The following POLE variants were observed in gnomAD, a reference collection of about 807,000 sequenced individuals.
POLE encodes the protein DNA polymerase epsilon, catalytic subunit, also known as DNA polymerase epsilon catalytic subunit A.
Under a neutral mutation model 279.2 loss-of-function variants are expected in POLE, and 188 were observed. The ratio of observed to expected loss-of-function variants is 0.67; its 90% CI spans 0.60 to 0.76. The LOEUF is 0.76. Among genes scored for constraint, POLE ranks in the 30% least tolerant of loss-of-function variants. POLE has a pLI of 0.00. For missense variants in POLE, 2,703 were observed against 3,016.7 expected, an observed-to-expected ratio of 0.90 and a Z score of 2.44; for synonymous variants, 1,214 against 1,172.5, an observed-to-expected ratio of 1.04 and a Z score of -0.72.
chr12:132,646,544 A>G (rs1285744422), intron 32 of POLE, among the ~76,000 whole-genome samples: 1 of 134,446 alleles, frequency 7.4e-6, no homozygotes, highest in African/African-American at 2.8e-5. Flanking sequence ...AAAAAAAAAA[A>G]TTCTGGGGCC....
In POLE at chr12:132,668,262, G is replaced by A; in HGVS notation, c.2173+94C>T. 6.9e-7 allele frequency: 1 copy of A among 1,440,314 alleles called. No individual in the cohort carries two copies. Among genetic ancestry groups the A allele is most frequent in the Non-Finnish European group, 9.2e-7 (1 of 1,087,428 alleles). 89.2% of individuals were successfully genotyped at this position (1,440,314 alleles called of 1,614,324 possible). Reference sequence around the variant, plus strand: ...GGTCTGCTGTGACAACACCTCTGGGGCCCCAGCTGGGATGGACCAACGCAG... The same window carrying A: ...GGTCTGCTGTGACAACACCTCTGGGACCCCAGCTGGGATGGACCAACGCAG... On this transcript the variant is annotated intron_variant, in intron 19 of 48. Transcript: ENST00000320574. The surrounding 1 kb of genome is among the most constrained non-coding windows in gnomAD (Gnocchi z 4.0).
At chr12:132,646,684 T>C (rs2042291223) in intron 32 of POLE, among the ~76,000 whole-genome samples, 1 of 151,540 alleles carries the variant, frequency 6.6e-6, no homozygotes, top group Non-Finnish European at 1.5e-5. Context: ...AATACAAAAT[T>C]AGCCGGGCGT....
At position 132,634,485 on chromosome 12, in the gene POLE, G is replaced by A; in HGVS notation, c.5812-107C>T. On this transcript the variant is annotated intron_variant, in intron 42 of 48. Coordinates refer to ENST00000320574, the MANE Select transcript of POLE (RefSeq NM_006231.4). The surrounding 1 kb of genome is among the most constrained non-coding windows in gnomAD (Gnocchi z 4.0). ...CAACCTGGGTCCATCTGCCCCGTTTGACCAGAGGCCTTCCTCGCAGTCAAG... is the reference window on the plus strand; with the variant it reads ...CAACCTGGGTCCATCTGCCCCGTTTAACCAGAGGCCTTCCTCGCAGTCAAG... The A allele has an allele frequency of 9.3e-7, 1 of 1,080,572 alleles. No homozygotes were observed. Among genetic ancestry groups the A allele is most frequent in the African/African-American group, 1.6e-5 (1 of 63,074 alleles). The allele number at this position is 1,080,572 out of a possible 1,614,324, so 66.9% of individuals were successfully genotyped here.
At chr12:132,677,046 C>A (rs145170647) in intron 8 of POLE, among the ~76,000 whole-genome samples, 2 of 152,158 alleles carry the variant, frequency 1.3e-5, no homozygotes, top group African/African-American at 4.8e-5. Flanking sequence ...ATGTTTGAAC[C>A]AAGGCCTTCT....
chr12:132,683,333 G>C (rs1479288574), intron 1 of POLE, among the ~76,000 whole-genome samples: 9 of 152,122 alleles, frequency 5.9e-5, no homozygotes, highest in Non-Finnish European at 1.3e-4. Flanking sequence ...AGAGAGGGTA[G>C]GGGGGAGAGG....
rs61751358 is a variant in POLE, at chr12:132,680,646, C to T, written c.246G>A (p.Val82=). 2 of 1,614,076 alleles carry T rather than the reference C, an allele frequency of 1.2e-6. No homozygotes were observed. The highest frequency in any genetic ancestry group is 2.2e-5 in the South Asian group (2 of 91,078). The change falls in exon 3 of 49, where the codon GTG becomes GTA. Residue 82 remains valine, a synonymous_variant. Transcript: ENST00000320574. ...CGTCATCTTGAATAAAGTAGTAATCCACTGCACTGCCTAAGCGCTTATCTT... is the reference window on the plus strand; with the variant it reads ...CGTCATCTTGAATAAAGTAGTAATCTACTGCACTGCCTAAGCGCTTATCTT... ...LDEDKRLGSA[V]DYYFIQDDGS...
Position 132,668,317 on chromosome 12 carries a change from G to A in POLE, c.2173+39C>T, listed in dbSNP as rs758642633. The A allele has an allele frequency of 6.6e-7, 1 of 1,515,950 alleles. No homozygotes were observed. The highest frequency in any genetic ancestry group is 1.3e-5 in the South Asian group (1 of 75,608). The allele number at this position is 1,515,950 out of a possible 1,614,324, so 93.9% of individuals were successfully genotyped here. A position where few individuals can be genotyped will look rare whatever the true frequency, so the allele number is the denominator to read the frequency against. The stretch of plus-strand genomic sequence containing the variant: ...GTAAGAACAGAAAGTGGGAGCAGGA[G>A]CCACATCTTTACAGCCGTGACCATG... On this transcript the variant is annotated intron_variant, in intron 19 of 48. Coordinates refer to ENST00000320574, the MANE Select transcript of POLE (RefSeq NM_006231.4). This position sits in a 1 kb window ranked among gnomAD's most constrained non-coding sequence, Gnocchi z 4.0.
In POLE at chr12:132,639,356, C is replaced by T. The variant is rs762327384; in HGVS notation, c.5379-58G>A. The T allele has an allele frequency of 2.1e-3, 3,270 of 1,524,752 alleles. 7 individuals are homozygous for T. The highest frequency in any genetic ancestry group is 2.7e-3 in the Non-Finnish European group (2,993 of 1,109,742). The allele number at this position is 1,524,752 out of a possible 1,614,324, so 94.5% of individuals were successfully genotyped here. A position where few individuals can be genotyped will look rare whatever the true frequency, so the allele number is the denominator to read the frequency against. Reference sequence around the variant, plus strand: ...CTCAGCCTCCCACGCTGCTGCCACGCGGGACGCTCCAACTGAAATGGGCAC... The same window carrying T: ...CTCAGCCTCCCACGCTGCTGCCACGTGGGACGCTCCAACTGAAATGGGCAC... On this transcript the variant is annotated intron_variant, in intron 39 of 48. Coordinates refer to ENST00000320574, the MANE Select transcript of POLE (RefSeq NM_006231.4). The surrounding 1 kb of genome is among the most constrained non-coding windows in gnomAD (Gnocchi z 4.7).
rs878854861 is a variant in POLE, at chr12:132,649,853, G to A, written c.3619C>T (p.Pro1207Ser). 1.2e-6 allele frequency: 2 copies of A among 1,614,098 alleles called. No individual in the cohort carries two copies. The highest frequency in any genetic ancestry group is 1.3e-5 in the African/African-American group (1 of 75,034). Residue 1207 changes from proline to serine, a missense_variant, in exon 30 of 49, where the codon CCA becomes TCA. By Grantham distance (74) the Pro-to-Ser change is moderately conservative. Around this residue, in one of 5 missense-constraint regions of POLE, gnomAD observed 1,551 missense variants for 1,686.1 expected, o/e 0.92. Coordinates refer to ENST00000320574, the MANE Select transcript of POLE (RefSeq NM_006231.4). ...MAEASEDSPR[P>S]SAPDMEDFGL... ...AAGTCCTCCATGTCAGGAGCACTTG[G>A]CCTCGGACTGTCTTCTGAGGCCTCG... is the stretch of plus-strand genomic sequence containing the variant.
chr12:132,649,938 G>C, intron 29 of POLE, 49 bp from the exon 30 acceptor site: 1 of 1,551,126 alleles, frequency 6.4e-7, no homozygotes, highest in Non-Finnish European at 8.8e-7. Context: ...GGGCTGCGCA[G>C]GGTGGCTCAT....
In POLE at chr12:132,639,303, A is replaced by G. The variant is rs761910924; in HGVS notation, c.5379-5T>C. 1.2e-6 allele frequency: 2 copies of G among 1,613,766 alleles called. No individual in the cohort carries two copies. Among genetic ancestry groups the G allele is most frequent in the Non-Finnish European group, 1.7e-6 (2 of 1,179,776 alleles). On this transcript the variant is annotated splice_region_variant and splice_polypyrimidine_tract_variant and intron_variant, in intron 39 of 48. Coordinates refer to ENST00000320574, the MANE Select transcript of POLE (RefSeq NM_006231.4). The surrounding 1 kb of genome is among the most constrained non-coding windows in gnomAD (Gnocchi z 4.7). ...ACGACCATGCTCTTCAGGATCCTGA[A>G]AGAGAAGGTGCACGACACCCTCGTA...
rs5744732 is a variant in POLE, at chr12:132,681,413, GGCTCA to G, written c.63-139_63-135del. ...GGCTGGAGTGCAGTGGTGTGATCTCGGCTCACTGCAAGCTCCGCCTCCCGGGTTCA... is the reference window on the plus strand; with the variant it reads ...GGCTGGAGTGCAGTGGTGTGATCTCGCTGCAAGCTCCGCCTCCCGGGTTCA... On this transcript the variant is annotated intron_variant, in intron 1 of 48. Coordinates refer to ENST00000320574, the MANE Select transcript of POLE (RefSeq NM_006231.4). The G allele has an allele frequency of 0.52, 450,275 of 862,946 alleles. 121,437 individuals carry two copies. Among genetic ancestry groups the G allele is most frequent in the Non-Finnish European group, 0.56 (329,425 of 583,510 alleles). The allele number at this position is 862,946 out of a possible 1,614,324, so 53.5% of individuals were successfully genotyped here. A position where few individuals can be genotyped will look rare whatever the true frequency, so the allele number is the denominator to read the frequency against.
intron 1 of POLE, among the ~76,000 whole-genome samples, chr12:132,683,027 T>C (rs921022972): frequency 3.3e-5 from 5 of 152,032 alleles, no homozygotes; most frequent in African/African-American, 9.7e-5. Context: ...AGGTATTCCT[T>C]GGATCACCTT....
rs1452296275 is a variant in POLE at position 132,675,939 on chromosome 12, C to A, written c.1021-119G>T. ...GTTGGCCCTTATTCCTGCCCCGCCC[C>A]TCCGCCCGTCTCTGGCAGAAAAGAC... is the stretch of plus-strand genomic sequence containing the variant. On this transcript the variant is annotated intron_variant, in intron 10 of 48. Transcript: ENST00000320574. This position sits in a 1 kb window ranked among gnomAD's most constrained non-coding sequence, Gnocchi z 4.3. The A allele has an allele frequency of 7.4e-6, 7 of 945,932 alleles. No homozygotes were observed. The highest frequency in any genetic ancestry group is 1.6e-5 in the African/African-American group (1 of 61,868). 58.6% of individuals were successfully genotyped at this position (945,932 alleles called of 1,614,324 possible).
chr12:132,643,932 CAT>C lies in POLE; in HGVS notation c.4193_4194del (p.Tyr1398Ter), dbSNP rs1323151304. On this transcript the variant is annotated frameshift_variant, in exon 33 of 49. Transcript: ENST00000320574. LOFTEE classifies it high-confidence loss of function. ...LPRSNMVYNL[Y>X]EYSVPEDMYQ... ...TACATGTCCTCTGGCACTGAATACT[CAT>C]AGAGATTGTAGACCATGTTGGAGCG... is the stretch of plus-strand genomic sequence containing the variant. 4 of 1,614,080 alleles carry C rather than the reference CAT, an allele frequency of 2.5e-6. No individual in the cohort carries two copies. The highest frequency in any genetic ancestry group is 3.4e-6 in the Non-Finnish European group (4 of 1,179,948).
In POLE at chr12:132,634,283, TTCCTCCGCCTCTTCC is replaced by T. The variant is rs2041992024; in HGVS notation, c.5892_5906del (p.Glu1965_Glu1969del). The T allele has an allele frequency of 6.2e-7, 1 of 1,614,212 alleles. No homozygotes were observed. The highest frequency in any genetic ancestry group is 8.5e-7 in the Non-Finnish European group (1 of 1,180,026). On this transcript the variant is annotated inframe_deletion, in exon 43 of 49. Transcript: ENST00000320574. This position sits in a 1 kb window ranked among gnomAD's most constrained non-coding sequence, Gnocchi z 4.0. ...TTTCCAGTAAATCCTCCACGTTGGATTCCTCCGCCTCTTCCTCCTCCTCCCCATCTCTTTCCTCCT... is the reference window on the plus strand; with the variant it reads ...TTTCCAGTAAATCCTCCACGTTGGATTCCTCCTCCCCATCTCTTTCCTCCT...
intron 29 of POLE, chr12:132,651,118 C>T (rs2042413831): frequency 6.6e-6 from 1 of 152,144 alleles, no homozygotes; most frequent in Admixed American, 6.5e-5. Flanking sequence ...TCAAGTGATC[C>T]ACCCACCTCA....
intron 16 of POLE, among the ~76,000 whole-genome samples, chr12:132,671,657 C>T (rs922923162): frequency 1.1e-4 from 14 of 126,812 alleles, no homozygotes; most frequent in African/African-American, 4.4e-4. Context: ...CCAACAACAG[C>T]GAGACTCCAT....
chr12:132,653,357 A>G (rs2042464168), intron 29 of POLE, among the ~76,000 whole-genome samples: 1 of 152,254 alleles, frequency 6.6e-6, no homozygotes, highest in Admixed American at 6.5e-5. Flanking sequence ...CCTGGGTGAC[A>G]AAGGAAGACC....
Sources: allele counts gnomAD v4.1 joint callset (sites outside exome capture counted in the v4.1 genomes callset), GRCh38; gene constraint gnomAD v4.1.1; regional missense constraint gnomAD v4.1.1; non-coding constraint Gnocchi (gnomAD v3.1); transcripts MANE v1.5; gene names NCBI Gene and HGNC (gene_info 2026-07-23, HGNC 2026-07-21).